The following LEPR variants were observed in gnomAD, a reference collection of about 807,000 sequenced individuals.
LEPR encodes the protein OB receptor.
A neutral mutation model predicts 114.7 loss-of-function variants in LEPR; 56 were observed. That is an observed-to-expected ratio of 0.49 (90% CI 0.39 to 0.61). The LOEUF is 0.61. LEPR is among the 20% of genes least tolerant of loss of function. LEPR has a pLI of 0.00. For synonymous variants in LEPR, 443 were observed against 461.4 expected, an observed-to-expected ratio of 0.96 and a Z score of 0.51; for missense variants, 1,202 against 1,352.9, an observed-to-expected ratio of 0.89 and a Z score of 1.75.
At chr1:65,590,168 A>G (rs771386892) in intron 5 of LEPR, among the ~76,000 whole-genome samples, 3 of 151,382 alleles carry the variant, frequency 2.0e-5, no homozygotes, top group East Asian at 2.0e-4. Flanking sequence ...AAGTATTTCT[A>G]TTTTTGATGT....
At chr1:65,493,195 T>A (rs1647968883) in intron 2 of LEPR, among the ~76,000 whole-genome samples, 1 of 152,068 alleles carries the variant, frequency 6.6e-6, no homozygotes, top group African/African-American at 2.4e-5. Context: ...TTTTTTCTCT[T>A]ATTTCAGGTA....
chr1:65,455,826 G>C (rs1046009811), intron 2 of LEPR, among the ~76,000 whole-genome samples: 17 of 152,210 alleles, frequency 1.1e-4, no homozygotes, highest in Non-Finnish European at 2.4e-4. Flanking sequence ...CGAGCTTCCT[G>C]GCTGCTTTGT....
At chr1:65,511,358 A>G (rs973089673) in intron 2 of LEPR, among the ~76,000 whole-genome samples, 1 of 152,044 alleles carries the variant, frequency 6.6e-6, no homozygotes, top group Non-Finnish European at 1.5e-5. Context: ...TACATTCAAT[A>G]GGATCTCCAG....
At chr1:65,578,396 A>T in intron 5 of LEPR, 1 of 217,718 alleles carries the variant, frequency 4.6e-6, no homozygotes, top group South Asian at 8.3e-5. Context: ...ACTTAGCATA[A>T]CTAATGGGCC....
chr1:65,551,067 G>A (rs754600703), intron 2 of LEPR, among the ~76,000 whole-genome samples: 13 of 152,014 alleles, frequency 8.6e-5, no homozygotes, highest in Non-Finnish European at 1.9e-4. Flanking sequence ...AGATGAAGCC[G>A]ACTTCATCGT....
At chr1:65,507,027 G>A (rs1242328173) in intron 2 of LEPR, among the ~76,000 whole-genome samples, 3 of 152,064 alleles carry the variant, frequency 2.0e-5, no homozygotes, top group South Asian at 4.1e-4. Flanking sequence ...ACATAAAAGT[G>A]GGGTATTTGT....
chr1:65,620,083 T>A, intron 17 of LEPR, 60 bp downstream of exon 17: 1 of 1,250,426 alleles, frequency 8.0e-7, no homozygotes. Flanking sequence ...TTGTTTGCAG[T>A]AATATTGCCA....
chr1:65,637,288 A>C lies in LEPR; in HGVS notation c.*273A>C. ...CCAGCTAGAAATAAGCCCAACAGAC[A>C]CCATCTTTTGTGAGATGTAATTGTT... On this transcript the variant is annotated 3_prime_UTR_variant, in exon 20 of 20. Coordinates refer to ENST00000349533, the MANE Select transcript of LEPR (RefSeq NM_002303.6). The C allele has an allele frequency of 3.0e-6, 1 of 331,128 alleles. No homozygotes were observed. Among genetic ancestry groups the C allele is most frequent in the Non-Finnish European group, 5.6e-6 (1 of 178,904 alleles). The allele number at this position is 331,128 out of a possible 1,614,324, so 20.5% of individuals were successfully genotyped here. A position where few individuals can be genotyped will look rare whatever the true frequency, so the allele number is the denominator to read the frequency against.
intron 1 of LEPR, among the ~76,000 whole-genome samples, chr1:65,424,974 C>T (rs980984683): frequency 5.9e-5 from 9 of 152,146 alleles, no homozygotes; most frequent in East Asian, 3.9e-4. Flanking sequence ...CAGTCTGTAA[C>T]GGGTCAAATG....
At chr1:65,506,958 A>G (rs189305350) in intron 2 of LEPR, among the ~76,000 whole-genome samples, 1 of 152,276 alleles carries the variant, frequency 6.6e-6, no homozygotes, top group African/African-American at 2.4e-5. Context: ...ACCCACTGCC[A>G]GCCTTTGGTT....
At chr1:65,576,880 A>G in intron 5 of LEPR, 1 of 331,024 alleles carries the variant, frequency 3.0e-6, no homozygotes, top group Non-Finnish European at 6.0e-6. Flanking sequence ...GTTATTTCCA[A>G]GTTTTCTCCT....
chr1:65,442,587 CAG>C (rs936213172), intron 2 of LEPR, among the ~76,000 whole-genome samples: 3 of 152,212 alleles, frequency 2.0e-5, no homozygotes, highest in African/African-American at 7.2e-5. Flanking sequence ...AAATATTTTA[CAG>C]AGTCTGACTC....
chr1:65,601,282 T>G, intron 8 of LEPR, 110 bp from the exon 9 acceptor site: 1 of 1,313,578 alleles, frequency 7.6e-7, no homozygotes, highest in South Asian at 1.3e-5. Flanking sequence ...ACACTCATTT[T>G]ATTTTTGGCA....
intron 2 of LEPR, among the ~76,000 whole-genome samples, chr1:65,455,880 C>G (rs1465073340): frequency 2.0e-5 from 3 of 152,198 alleles, no homozygotes; most frequent in East Asian, 3.9e-4. Flanking sequence ...CCTCCCCCAG[C>G]CTTGCTGCCG....
intron 2 of LEPR, among the ~76,000 whole-genome samples, chr1:65,540,554 A>G (rs2100659070): frequency 6.6e-6 from 1 of 152,218 alleles, no homozygotes; most frequent in South Asian, 2.1e-4. Context: ...CCATGACTGT[A>G]AGCTTCTTGA....
At chr1:65,437,041 A>G (rs1202384895) in intron 2 of LEPR, among the ~76,000 whole-genome samples, 2 of 152,210 alleles carry the variant, frequency 1.3e-5, no homozygotes, top group African/African-American at 4.8e-5. Flanking sequence ...ATTCTCCAGT[A>G]CTTCCAACCA....
At chr1:65,516,898 T>A (rs1649314467) in intron 2 of LEPR, among the ~76,000 whole-genome samples, 1 of 152,162 alleles carries the variant, frequency 6.6e-6, no homozygotes, top group South Asian at 2.1e-4. Context: ...TGCCACCCCA[T>A]CACCCTTTTC....
intron 2 of LEPR, among the ~76,000 whole-genome samples, chr1:65,513,920 G>A (rs2100559793): frequency 6.6e-6 from 1 of 152,186 alleles, no homozygotes; most frequent in East Asian, 1.9e-4. Context: ...ATACAATTTG[G>A]ATAATTTTGT....
intron 2 of LEPR, among the ~76,000 whole-genome samples, chr1:65,559,646 C>A (rs7419117): frequency 9.0e-6 from 1 of 111,232 alleles, no homozygotes; most frequent in Admixed American, 8.7e-5. Flanking sequence ...CCTGAATGGT[C>A]ATGCCTAGGT....
Sources: gnomAD v4.1 joint callset for allele counts (sites outside exome capture counted in the v4.1 genomes callset) on GRCh38, gnomAD v4.1.1 for gene constraint, MANE v1.5 for transcripts, NCBI Gene and HGNC (gene_info 2026-07-23, HGNC 2026-07-21) for gene names.